The following ASH1L variants were observed in gnomAD, a reference collection of about 807,000 sequenced individuals.
The protein encoded by ASH1L is ASH1 like histone lysine methyltransferase, also known as histone-lysine N-methyltransferase ASH1L.
ASH1L carries 23 observed loss-of-function variants against 269.0 expected under a neutral mutation model. The observed-to-expected ratio is 0.09, with a 90% CI of 0.06 to 0.12. The LOEUF is 0.12. Among genes scored for constraint, ASH1L ranks in the 10% least tolerant of loss-of-function variants. The pLI is 1.00. For synonymous variants in ASH1L, 1,187 were observed against 1,253.5 expected (o/e 0.95, Z 1.12); for missense variants, 2,912 against 3,567.8 (o/e 0.82, Z 4.68).
At chr1:155,444,486 A>G (rs928490991) in intron 4 of ASH1L, among the ~76,000 whole-genome samples, 1 of 152,186 alleles carries the variant, frequency 6.6e-6, no homozygotes, top group Admixed American at 6.5e-5. Context: ...GATGTTGAGC[A>G]TATTTTCATG....
Position 155,479,358 on chromosome 1 carries a change from G to C in ASH1L, c.3512C>G (p.Pro1171Arg). 1 of 1,614,158 alleles carries C rather than the reference G, an allele frequency of 6.2e-7. No homozygotes were observed. Among genetic ancestry groups the C allele is most frequent in the Non-Finnish European group, 8.5e-7 (1 of 1,180,032 alleles). ...LSPPTLLPNSPSHLSELTSLK... is the reference protein window; with the variant it reads ...LSPPTLLPNSRSHLSELTSLK... ...AGATGTGAGTTCACTCAAGTGCGAA[G>C]GAGAATTTGGCAACAAAGTAGGAGG... Residue 1171 changes from proline (P) to arginine (R), a missense_variant, in exon 3 of 28, where the codon CCT becomes CGT. By Grantham distance (103) the Pro-to-Arg change is moderately radical. This residue lies in a region of ASH1L where 157 missense variants were observed against 154.6 expected (regional missense o/e 1.02). Coordinates refer to ENST00000392403, the MANE Select transcript of ASH1L (RefSeq NM_018489.3).
At chr1:155,513,416 C>G (rs1668297173) in intron 2 of ASH1L, among the ~76,000 whole-genome samples, 2 of 151,396 alleles carry the variant, frequency 1.3e-5, no homozygotes, top group African/African-American at 2.4e-5. Context: ...ACTAAAAATA[C>G]AAAAAATGAG....
chr1:155,462,049 C>T (rs1220247649), intron 3 of ASH1L, among the ~76,000 whole-genome samples: 1 of 152,216 alleles, frequency 6.6e-6, no homozygotes, highest in Non-Finnish European at 1.5e-5. Flanking sequence ...ATCCGCCCGC[C>T]TCAGCCTCCC....
intron 12 of ASH1L, among the ~76,000 whole-genome samples, chr1:155,369,210 G>C (rs978819377): frequency 5.3e-5 from 8 of 152,122 alleles, no homozygotes; most frequent in Non-Finnish European, 1.2e-4. Flanking sequence ...TTGGGAGGCC[G>C]AGGCGGGCGG....
At position 155,479,928 on chromosome 1, in the gene ASH1L, G is replaced by C; in HGVS notation, c.2942C>G (p.Thr981Arg). ...TKRNNGQLMK[T>R]IIRKINKMKT... ...CATTTTATTTATTTTGCGGATAATTGTTTTCATTAATTGTCCATTGTTTCT... is the reference window on the plus strand; with the variant it reads ...CATTTTATTTATTTTGCGGATAATTCTTTTCATTAATTGTCCATTGTTTCT... The change falls in exon 3 of 28, where the codon ACA becomes AGA. Residue 981 changes from threonine to arginine, a missense_variant. Physicochemically the swap from Thr to Arg is moderately conservative, Grantham distance 71. This residue lies in a region of ASH1L where 715 missense variants were observed against 721.0 expected (regional missense o/e 0.99). Coordinates refer to ENST00000392403, the MANE Select transcript of ASH1L (RefSeq NM_018489.3). 6.2e-7 allele frequency: 1 copy of C among 1,613,370 alleles called. No homozygotes were observed. The highest frequency in any genetic ancestry group is 8.5e-7 in the Non-Finnish European group (1 of 1,179,752).
rs989836089 is a variant in ASH1L at position 155,343,890 on chromosome 1, T to G, written c.7982-148A>C. The G allele has an allele frequency of 4.3e-6, 4 of 936,516 alleles. No homozygotes were observed. The highest frequency in any genetic ancestry group is 1.7e-5 in the African/African-American group (1 of 59,904). 58.0% of individuals were successfully genotyped at this position (936,516 alleles called of 1,614,324 possible). A position where few individuals can be genotyped will look rare whatever the true frequency, so the allele number is the denominator to read the frequency against. On this transcript the variant is annotated intron_variant, in intron 22 of 27. Coordinates refer to ENST00000392403, the MANE Select transcript of ASH1L (RefSeq NM_018489.3). This position sits in a 1 kb window ranked among gnomAD's most constrained non-coding sequence, Gnocchi z 6.1. ...AGCTAAAAGCAGCAGTGTTAAGTGA[T>G]GATAATCAATTCTAGACTATGACAA... is the stretch of plus-strand genomic sequence containing the variant.
chr1:155,341,598 AAAAG>A (rs760968557), intron 25 of ASH1L, among the ~76,000 whole-genome samples: 3 of 152,176 alleles, frequency 2.0e-5, no homozygotes, highest in Non-Finnish European at 4.4e-5. Flanking sequence ...AGAGAGGAAA[AAAAG>A]GAGTTTTTCA....
intron 2 of ASH1L, among the ~76,000 whole-genome samples, chr1:155,485,207 G>C (rs1044634213): frequency 1.3e-5 from 2 of 148,796 alleles, no homozygotes; most frequent in Non-Finnish European, 3.0e-5. Flanking sequence ...AGTGAGCCAA[G>C]ATAGCACCAC....
intron 1 of ASH1L, among the ~76,000 whole-genome samples, chr1:155,540,415 G>A (rs1235694565): frequency 1.3e-5 from 2 of 152,056 alleles, no homozygotes; most frequent in Non-Finnish European, 2.9e-5. Flanking sequence ...ACATATCTCT[G>A]GCCTCACCAT....
At chr1:155,397,697 C>T (rs528319318) in intron 6 of ASH1L, among the ~76,000 whole-genome samples, 1 of 152,088 alleles carries the variant, frequency 6.6e-6, no homozygotes, top group East Asian at 1.9e-4. Flanking sequence ...ATTACAGATG[C>T]CAACTACTGG....
intron 5 of ASH1L, among the ~76,000 whole-genome samples, chr1:155,424,453 G>C (rs963344665): frequency 1.3e-5 from 2 of 151,522 alleles, no homozygotes; most frequent in African/African-American, 4.9e-5. Flanking sequence ...TGTTGTCCAC[G>C]CTGGAGTGAG....
intron 7 of ASH1L, among the ~76,000 whole-genome samples, chr1:155,390,352 T>C (rs2148471659): frequency 6.6e-6 from 1 of 152,284 alleles, no homozygotes; most frequent in Admixed American, 6.5e-5. Context: ...CCTTACCATA[T>C]TATTCACATA....
chr1:155,493,785 A>G (rs1442715101), intron 2 of ASH1L, among the ~76,000 whole-genome samples: 4 of 152,194 alleles, frequency 2.6e-5, no homozygotes, highest in Non-Finnish European at 5.9e-5. Flanking sequence ...GAGGCGGAAG[A>G]ATAGCTTGAA....
At chr1:155,387,276 C>T (rs1657516968) in intron 7 of ASH1L, among the ~76,000 whole-genome samples, 1 of 152,088 alleles carries the variant, frequency 6.6e-6, no homozygotes, top group Non-Finnish European at 1.5e-5. Context: ...GCCTGGCCTA[C>T]ATTGAAGTTT....
chr1:155,408,832 T>C (rs1156915001), intron 6 of ASH1L, among the ~76,000 whole-genome samples: 1 of 151,738 alleles, frequency 6.6e-6, no homozygotes, highest in Admixed American at 6.6e-5. Context: ...CTGGGCAACA[T>C]AGGGAGACCC....
intron 3 of ASH1L, among the ~76,000 whole-genome samples, chr1:155,466,995 G>A (rs1312379069): frequency 6.6e-6 from 1 of 151,988 alleles, no homozygotes; most frequent in East Asian, 1.9e-4. Flanking sequence ...TATTCTTGGA[G>A]GACAAAATAT....
At chr1:155,499,513 A>G (rs114792036) in intron 2 of ASH1L, among the ~76,000 whole-genome samples, 1,780 of 152,276 alleles carry the variant, frequency 0.012, 20 homozygotes, top group Non-Finnish European at 0.019. Flanking sequence ...TTTCATCATT[A>G]AGTTTCATCT....
chr1:155,445,543 T>C (rs1662944432), intron 4 of ASH1L, among the ~76,000 whole-genome samples: 1 of 152,192 alleles, frequency 6.6e-6, no homozygotes, highest in Non-Finnish European at 1.5e-5. Context: ...TCGCCCAGGC[T>C]GGTCTTTAAC....
rs1394733972 is a variant in ASH1L, at chr1:155,375,780, G to A, written c.6332+2501C>T. 6.2e-5 allele frequency among the ~76,000 whole-genome samples: 9 copies of A among 144,972 alleles called. No individual in the cohort carries two copies. In the East Asian group the frequency reaches 6.4e-4, roughly 10 times the overall value. ...GCCATTGCACTCCAGCCTGGGCAAC[G>A]AGAATGAAACTTCGTCTCAAAAAAA... is the stretch of plus-strand genomic sequence containing the variant. On this transcript the variant is annotated intron_variant, in intron 10 of 27. Coordinates refer to ENST00000392403, the MANE Select transcript of ASH1L (RefSeq NM_018489.3).
Sources: gnomAD v4.1 joint callset for allele counts (sites outside exome capture counted in the v4.1 genomes callset) on GRCh38, gnomAD v4.1.1 for gene constraint, gnomAD v4.1.1 regional missense constraint, Gnocchi (gnomAD v3.1) non-coding constraint, MANE v1.5 for transcripts, NCBI Gene and HGNC (gene_info 2026-07-23, HGNC 2026-07-21) for gene names.